Variants in RBL1 observed in about 807,000 individuals in gnomAD.
The protein encoded by RBL1 is retinoblastoma-like protein 1.
In RBL1, 82 loss-of-function variants were observed where a neutral mutation model predicts 123.0. The observed-to-expected ratio is 0.67, with a 90% CI of 0.56 to 0.80. The LOEUF is 0.80. RBL1 is among the 30% of genes least tolerant of loss of function. RBL1 has a pLI of 0.00. For missense variants in RBL1, 1,171 were observed against 1,299.6 expected (o/e 0.90, Z 1.52); for synonymous variants, 405 against 441.3 (o/e 0.92, Z 1.03).
At chr20:37,044,940 T>C (rs2146267509) in intron 12 of RBL1, among the ~76,000 whole-genome samples, 1 of 152,234 alleles carries the variant, frequency 6.6e-6, no homozygotes, top group East Asian at 1.9e-4. Flanking sequence ...ATGAATGAAC[T>C]ATTTAAAGTG....
rs1208526023 is a variant in RBL1, at chr20:37,089,010, A to T, written c.269T>A (p.Ile90Lys). The change falls in exon 2 of 22, where the codon ATA (isoleucine) becomes AAA (lysine). Residue 90 changes from isoleucine (I) to lysine (K), a missense_variant. Transcript: ENST00000373664. The stretch of plus-strand genomic sequence containing the variant: ...TTACCTTAATTTAGCTGAACGTAGT[A>T]TTCTGGTAAGTGAAACACAGTTGCC... The part of the protein sequence containing the change: ...MEGNCVSLTR[I>K]LRSAKLSLIQ... 5.6e-6 allele frequency: 9 copies of T among 1,608,412 alleles called. No individual in the cohort carries two copies. The highest frequency in any genetic ancestry group is 7.6e-6 in the Non-Finnish European group (9 of 1,177,186).
At position 37,017,558 on chromosome 20, in the gene RBL1, G is replaced by A. The variant is rs1029844226; in HGVS notation, c.2722+721C>T. 3.3e-5 allele frequency among the ~76,000 whole-genome samples: 5 copies of A among 151,926 alleles called. 1 individual carries two copies. Among genetic ancestry groups the A allele is most frequent in the South Asian group, 4.1e-4 (2 of 4,820 alleles). On this transcript the variant is annotated intron_variant, in intron 19 of 21. Transcript: ENST00000373664. ...CTTAGCATGATGGTGGCAAGAGGGT[G>A]CAGTCTTGCCTGTGGTAGCAGAATT...
chr20:37,060,273 A>C (rs1320542081), intron 9 of RBL1, among the ~76,000 whole-genome samples: 1 of 152,150 alleles, frequency 6.6e-6, no homozygotes, highest in Non-Finnish European at 1.5e-5. Flanking sequence ...GACATTTAGA[A>C]TGGCCCCATT....
At chr20:37,087,774 A>G (rs1012324588) in intron 2 of RBL1, among the ~76,000 whole-genome samples, 3 of 152,252 alleles carry the variant, frequency 2.0e-5, no homozygotes, top group African/African-American at 7.2e-5. Context: ...AGGAAAAAAA[A>G]TGCCATAAAG....
rs1217214750 is a variant in RBL1 at position 37,055,538 on chromosome 20, A to C, written c.1467+15T>G. ...TTTGGACCTTGCCAGTAGCTCAGAG[A>C]GTGGATTTACTTACTGACATGTCCA... On this transcript the variant is annotated intron_variant, in intron 11 of 21. Transcript: ENST00000373664. The C allele has an allele frequency of 6.2e-7, 1 of 1,613,808 alleles. No individual in the cohort carries two copies. The highest frequency in any genetic ancestry group is 8.5e-7 in the Non-Finnish European group (1 of 1,179,932).
chr20:37,037,359 A>C (rs1244461114), intron 14 of RBL1, among the ~76,000 whole-genome samples: 1 of 152,244 alleles, frequency 6.6e-6, no homozygotes, highest in African/African-American at 2.4e-5. Context: ...CCAAATTTAG[A>C]AACATGACAA....
chr20:37,003,634 A>C, intron 21 of RBL1, 68 bp downstream of exon 21: 2 of 1,472,362 alleles, frequency 1.4e-6, no homozygotes, highest in Non-Finnish European at 1.8e-6. Flanking sequence ...AGAAAAAAAA[A>C]AAAAGAGGCA....
intron 15 of RBL1, among the ~76,000 whole-genome samples, chr20:37,033,189 T>C (rs1341753508): frequency 1.3e-5 from 2 of 150,078 alleles, no homozygotes; most frequent in East Asian, 1.9e-4. Context: ...TGGTAAATTT[T>C]TTTTTTTTTT....
chr20:37,059,278 T>C (rs1443079723), intron 9 of RBL1, among the ~76,000 whole-genome samples: 1 of 152,236 alleles, frequency 6.6e-6, no homozygotes, highest in African/African-American at 2.4e-5. Flanking sequence ...GTCTACTTTC[T>C]TGTATCCTGA....
Position 37,022,646 on chromosome 20 carries a change from T to C in RBL1, c.2559+4A>G. The C allele has an allele frequency of 6.2e-7, 1 of 1,603,666 alleles. No individual in the cohort carries two copies. Among genetic ancestry groups the C allele is most frequent in the East Asian group, 2.2e-5 (1 of 44,752 alleles). Reference sequence around the variant, plus strand: ...CCAGCCTCTTCTCCCAATTTATACATTACCTTTGCCATGATATAAAAGGCA... The same window carrying C: ...CCAGCCTCTTCTCCCAATTTATACACTACCTTTGCCATGATATAAAAGGCA... On this transcript the variant is annotated splice_donor_region_variant and intron_variant, in intron 17 of 21. Transcript: ENST00000373664.
chr20:37,039,604 C>T (rs985071917), intron 14 of RBL1, among the ~76,000 whole-genome samples: 14 of 152,314 alleles, frequency 9.2e-5, no homozygotes, highest in Middle Eastern at 3.4e-3. Flanking sequence ...CCACCATGAT[C>T]GTGAGGCCTC....
rs2146346100 is a variant in RBL1, at chr20:37,095,936, G to C, written c.-8C>G. 1.2e-5 allele frequency: 19 copies of C among 1,534,220 alleles called. No individual in the cohort carries two copies. The highest frequency in any genetic ancestry group is 1.4e-5 in the African/African-American group (1 of 72,980). ...GGGCTTGTCCTCGAACATCCCTTCA[G>C]GCCCCGCGGGCTGCGCGCCACGGCC... On this transcript the variant is annotated 5_prime_UTR_variant, in exon 1 of 22. Coordinates refer to ENST00000373664, the MANE Select transcript of RBL1 (RefSeq NM_002895.5).
In RBL1 at chr20:37,047,090, A is replaced by G. The variant is rs1460143830; in HGVS notation, c.1568T>C (p.Ile523Thr). The G allele has an allele frequency of 5.0e-6, 8 of 1,597,874 alleles. No individual in the cohort carries two copies. The Admixed American group carries it at 7.4e-5, about 15-fold the overall frequency. ...AAATGGTTGCAAGTTGAGAACTTCA[A>G]TAATCCAAGGAAAAGTACGAGGTGA... The part of the protein sequence containing the change: ...YSSPRTFPWI[I>T]EVLNLQPFYF... Residue 523 changes from isoleucine (I) to threonine (T), a missense_variant, in exon 12 of 22, where the codon ATT (isoleucine) becomes ACT (threonine). By Grantham distance (89) the Ile-to-Thr change is moderately conservative. Transcript: ENST00000373664.
chr20:37,068,962 A>C (rs1013342818), intron 2 of RBL1, among the ~76,000 whole-genome samples: 135 of 152,126 alleles, frequency 8.9e-4, no homozygotes, highest in African/African-American at 2.5e-3. Context: ...GATTCTCCTG[A>C]CTCAGCCTGC....
At position 37,095,754 on chromosome 20, in the gene RBL1, C is replaced by G; in HGVS notation, c.156+19G>C. On this transcript the variant is annotated intron_variant, in intron 1 of 21. Coordinates refer to ENST00000373664, the MANE Select transcript of RBL1 (RefSeq NM_002895.5). ...CCTGGCGAGGGTAGGGTCCGGCCGC[C>G]CCACCTGCTGCCGCTCACCTCTAGG... 1 of 1,570,468 alleles carries G rather than the reference C, an allele frequency of 6.4e-7. No homozygotes were observed. Among genetic ancestry groups the G allele is most frequent in the South Asian group, 1.1e-5 (1 of 86,972 alleles).
chr20:37,066,243 C>A (rs2065174396), intron 6 of RBL1, among the ~76,000 whole-genome samples: 1 of 152,158 alleles, frequency 6.6e-6, no homozygotes, highest in Admixed American at 6.5e-5. Context: ...ACCAAGGAGA[C>A]AATGTCCAGA....
At chr20:37,068,607 T>A (rs1324704593) in intron 2 of RBL1, among the ~76,000 whole-genome samples, 3 of 152,156 alleles carry the variant, frequency 2.0e-5, no homozygotes, top group Non-Finnish European at 2.9e-5. Context: ...TAATTAGTGG[T>A]CATCACATAG....
In RBL1 at chr20:37,007,552, TTCTAAG is replaced by T. The variant is rs747450772; in HGVS notation, c.2724_2729del (p.Asp908_Leu909del). On this transcript the variant is annotated inframe_deletion and splice_region_variant, in exon 20 of 22. Coordinates refer to ENST00000373664, the MANE Select transcript of RBL1 (RefSeq NM_002895.5). ...AACAGTCAGGTGTTTTTGTAGCATCTTCTAAGTCTGTTAAAAAGAATGCAATGTTGT... is the reference window on the plus strand; with the variant it reads ...AACAGTCAGGTGTTTTTGTAGCATCTTCTGTTAAAAAGAATGCAATGTTGT... The T allele has an allele frequency of 1.2e-6, 2 of 1,611,646 alleles. No homozygotes were observed. The highest frequency in any genetic ancestry group is 4.5e-5 in the East Asian group (2 of 44,866).
intron 11 of RBL1, among the ~76,000 whole-genome samples, chr20:37,054,302 G>C (rs2064967954): frequency 6.6e-6 from 1 of 151,982 alleles, no homozygotes; most frequent in Non-Finnish European, 1.5e-5. Context: ...GGCCAAGACA[G>C]TGAAGCCCCG....
Sources: allele counts gnomAD v4.1 joint callset (sites outside exome capture counted in the v4.1 genomes callset), GRCh38; gene constraint gnomAD v4.1.1; transcripts MANE v1.5; gene names NCBI Gene and HGNC (gene_info 2026-07-23, HGNC 2026-07-21).